Variants in ITGBL1 observed in about 807,000 individuals in gnomAD.
ITGBL1 encodes integrin subunit beta like 1.
In ITGBL1, 51 loss-of-function variants were observed where a neutral mutation model predicts 68.5. That is an observed-to-expected ratio of 0.74 (90% CI 0.59 to 0.94). The LOEUF is 0.94. Among genes scored for constraint, ITGBL1 ranks in the 40% least tolerant of loss-of-function variants. The pLI is 0.00. For missense variants in ITGBL1, 649 were observed against 647.4 expected (o/e 1.00, Z -0.03); for synonymous variants, 209 against 227.3 (o/e 0.92, Z 0.72).
intron 2 of ITGBL1, among the ~76,000 whole-genome samples, chr13:101,525,205 T>G (rs569359837): frequency 6.6e-6 from 1 of 152,244 alleles, no homozygotes; most frequent in Non-Finnish European, 1.5e-5. Context: ...AATAATTGTA[T>G]AGAAAAATGA....
At chr13:101,577,021 G>A (rs1013250008) in intron 4 of ITGBL1, among the ~76,000 whole-genome samples, 4 of 150,878 alleles carry the variant, frequency 2.7e-5, no homozygotes, top group African/African-American at 4.9e-5. Context: ...CACCACAAAA[G>A]CAGAGTCTAT....
At chr13:101,492,032 T>G (rs1043589577) in intron 2 of ITGBL1, among the ~76,000 whole-genome samples, 1 of 152,200 alleles carries the variant, frequency 6.6e-6, no homozygotes, top group African/African-American at 2.4e-5. Flanking sequence ...CAGTCTATCA[T>G]TGATGGGCAT....
At chr13:101,602,266 A>C (rs1026060985) in intron 7 of ITGBL1, among the ~76,000 whole-genome samples, 7 of 152,104 alleles carry the variant, frequency 4.6e-5, no homozygotes, top group African/African-American at 1.7e-4. Context: ...GCTATGAATA[A>C]GCTTTTGTCA....
At chr13:101,593,528 A>G (rs1270050749) in intron 6 of ITGBL1, among the ~76,000 whole-genome samples, 3 of 152,114 alleles carry the variant, frequency 2.0e-5, no homozygotes, top group Admixed American at 6.6e-5. Context: ...CCAAGTGGCC[A>G]TTAACAGATG....
intron 2 of ITGBL1, among the ~76,000 whole-genome samples, chr13:101,533,285 G>A (rs2049514000): frequency 2.0e-5 from 3 of 152,260 alleles, no homozygotes; most frequent in East Asian, 1.9e-4. Flanking sequence ...ATAGCTTACT[G>A]CTAATAGTCA....
chr13:101,464,272 C>T (rs938692598), intron 2 of ITGBL1, among the ~76,000 whole-genome samples: 2 of 152,150 alleles, frequency 1.3e-5, no homozygotes, highest in South Asian at 2.1e-4. Context: ...CCCTCCTTCT[C>T]ATCACATTTC....
chr13:101,638,594 C>A (rs1248443426), intron 7 of ITGBL1, among the ~76,000 whole-genome samples: 1 of 152,166 alleles, frequency 6.6e-6, no homozygotes, highest in Non-Finnish European at 1.5e-5. Flanking sequence ...GCACATCTCA[C>A]ATGGCGGGAG....
At chr13:101,463,464 T>A (rs569505825) in intron 2 of ITGBL1, among the ~76,000 whole-genome samples, 78 of 152,280 alleles carry the variant, frequency 5.1e-4, no homozygotes, top group Non-Finnish European at 8.5e-4. Context: ...GTCCCTGAAA[T>A]CTGTACCCTG....
At chr13:101,606,665 T>C (rs138387955) in intron 7 of ITGBL1, among the ~76,000 whole-genome samples, 1 of 152,084 alleles carries the variant, frequency 6.6e-6, no homozygotes, top group African/African-American at 2.4e-5. Context: ...TAAGAAGCAG[T>C]GAAAAATCTG....
At chr13:101,718,226 A>C (rs1323398507), downstream of ITGBL1, 1 of 152,032 alleles carries the variant, frequency 6.6e-6, no homozygotes, top group Non-Finnish European at 1.5e-5. Flanking sequence ...GTTTGTGTGT[A>C]TGTGTGTGTT....
At chr13:101,464,192 C>A (rs1594824555) in intron 2 of ITGBL1, among the ~76,000 whole-genome samples, 1 of 152,296 alleles carries the variant, frequency 6.6e-6, no homozygotes, top group South Asian at 2.1e-4. Flanking sequence ...AGCCACCACG[C>A]CTGACCCATT....
intron 1 of ITGBL1, among the ~76,000 whole-genome samples, chr13:101,453,447 T>G (rs1210736754): frequency 6.6e-6 from 1 of 152,268 alleles, no homozygotes; most frequent in African/African-American, 2.4e-5. Context: ...TTTTCTCTTC[T>G]GTAATATAAG....
intron 2 of ITGBL1, among the ~76,000 whole-genome samples, chr13:101,558,054 A>G (rs1371335912): frequency 7.9e-6 from 1 of 126,754 alleles, no homozygotes; most frequent in Non-Finnish European, 1.6e-5. Context: ...GCGCCACTCC[A>G]GCCTGGGAGA....
Position 101,524,075 on chromosome 13 carries a change from G to C in ITGBL1, c.317-43624G>C, listed in dbSNP as rs144922304. 2.2e-3 allele frequency among the ~76,000 whole-genome samples: 342 copies of C among 152,034 alleles called. 1 individual carries two copies. Among genetic ancestry groups the C allele is most frequent in the Non-Finnish European group, 3.7e-3 (252 of 67,958 alleles). On this transcript the variant is annotated intron_variant, in intron 2 of 10. Coordinates refer to ENST00000376180, the MANE Select transcript of ITGBL1 (RefSeq NM_004791.3). ...AACCATTTTTACTGCAGTGCAGTGTGATTAATCTGTGTCTTCTTAATGAGA... is the reference window on the plus strand; with the variant it reads ...AACCATTTTTACTGCAGTGCAGTGTCATTAATCTGTGTCTTCTTAATGAGA...
chr13:101,618,763 G>A (rs919306213), intron 7 of ITGBL1, among the ~76,000 whole-genome samples: 3 of 152,136 alleles, frequency 2.0e-5, no homozygotes, highest in Admixed American at 2.0e-4. Context: ...CTCCATACAG[G>A]AGGAACATGG....
chr13:101,621,138 G>A (rs569091856), intron 7 of ITGBL1, among the ~76,000 whole-genome samples: 2 of 152,266 alleles, frequency 1.3e-5, no homozygotes, highest in African/African-American at 4.8e-5. Flanking sequence ...GCTTTCTGCT[G>A]CTTGATGCTA....
At chr13:101,692,551 C>T (rs375121521) in intron 7 of ITGBL1, 34 bp from the exon 8 acceptor site, 20 of 1,420,918 alleles carry the variant, frequency 1.4e-5, no homozygotes, top group Non-Finnish European at 1.9e-5. Context: ...CCGGGACTCT[C>T]CTCATAAGTG....
intron 7 of ITGBL1, among the ~76,000 whole-genome samples, chr13:101,653,870 G>GT (rs1156397350): frequency 2.7e-3 from 148 of 55,152 alleles, no homozygotes; most frequent in South Asian, 0.017. Flanking sequence ...TTTGTTTTTT[G>GT]TTTTTTTTTT....
intron 2 of ITGBL1, among the ~76,000 whole-genome samples, chr13:101,559,947 G>A (rs1345802257): frequency 2.6e-5 from 4 of 152,024 alleles, no homozygotes; most frequent in East Asian, 3.9e-4. Context: ...TTTTAATTTC[G>A]AGGCAGTGGA....
Sources: allele counts gnomAD v4.1 joint callset (sites outside exome capture counted in the v4.1 genomes callset), GRCh38; gene constraint gnomAD v4.1.1; transcripts MANE v1.5; gene names NCBI Gene and HGNC (gene_info 2026-07-23, HGNC 2026-07-21).